CSMD3: variants seen among roughly 807,000 people sequenced by gnomAD.
The protein encoded by CSMD3 is CUB and Sushi multiple domains 3.
A neutral mutation model predicts 435.2 loss-of-function variants in CSMD3; 177 were observed. That is an observed-to-expected ratio of 0.41 (90% confidence interval 0.36 to 0.46). The LOEUF (loss-of-function observed/expected upper bound fraction) is 0.46. Among genes scored for constraint, CSMD3 ranks in the 20% least tolerant of loss-of-function variants. The pLI is 0.34. For synonymous variants in CSMD3, 1,656 were observed against 1,520.5 expected (o/e 1.09, Z -2.07); for missense variants, 4,265 against 4,504.6 (o/e 0.95, Z 1.52).
chr8:112,829,725 T>G lies in CSMD3; in HGVS notation c.1820A>C (p.Asp607Ala), dbSNP rs1289044090. ...EIGYDTLTIG[D>A]GGEVGDPRTV... ...CCTAGGATCTCCAACTTCGCCCCCA[T>G]CGCCAATTGTCAAGGTATCATAGCC... is the stretch of plus-strand genomic sequence containing the variant. Residue 607 changes from aspartate to alanine, a missense_variant, in exon 12 of 71, where the codon GAT becomes GCT. By Grantham distance (126) the Asp-to-Ala change is moderately radical. Coordinates refer to ENST00000297405, the MANE Select transcript of CSMD3 (RefSeq NM_198123.2). 3 of 1,613,260 alleles carry G rather than the reference T, an allele frequency of 1.9e-6. No individual in the cohort carries two copies. The highest frequency in any genetic ancestry group is 2.5e-6 in the Non-Finnish European group (3 of 1,179,482).
intron 22 of CSMD3, among the ~76,000 whole-genome samples, chr8:112,614,659 T>C (rs1833527089): frequency 6.6e-6 from 1 of 152,110 alleles, no homozygotes; most frequent in South Asian, 2.1e-4. Context: ...AATTTCTTTT[T>C]TTAGACTTAC....
intron 13 of CSMD3, among the ~76,000 whole-genome samples, chr8:112,714,278 A>G (rs763366589): frequency 6.6e-6 from 1 of 151,970 alleles, no homozygotes; most frequent in Non-Finnish European, 1.5e-5. Context: ...TTGCAATGTT[A>G]CTCTCTGACA....
chr8:113,421,081 G>A (rs1407266623), intron 1 of CSMD3, among the ~76,000 whole-genome samples: 4 of 151,372 alleles, frequency 2.6e-5, no homozygotes, highest in African/African-American at 9.7e-5. Context: ...AAAAAAACAC[G>A]AAGAATACAT....
At chr8:112,686,964 T>C (rs1478992468) in intron 14 of CSMD3, among the ~76,000 whole-genome samples, 1 of 152,148 alleles carries the variant, frequency 6.6e-6, no homozygotes, top group African/African-American at 2.4e-5. Flanking sequence ...ACTGTTCTTC[T>C]AGTGTTTGAC....
chr8:112,899,638 T>TATATATATAC (rs1309592432), intron 10 of CSMD3, among the ~76,000 whole-genome samples: 5 of 118,462 alleles, frequency 4.2e-5, no homozygotes, highest in African/African-American at 1.3e-4. Context: ...TATATGTATA[T>TATATATATAC]ACATATATGT....
chr8:113,278,753 G>T, intron 2 of CSMD3, 49 bp from the exon 3 acceptor site: 1 of 866,592 alleles, frequency 1.2e-6, no homozygotes, highest in Non-Finnish European at 2.0e-6. Context: ...TTTTATCTAA[G>T]AGTTTTTAAG....
chr8:113,408,570 T>A (rs2094543322), intron 1 of CSMD3, among the ~76,000 whole-genome samples: 2 of 151,914 alleles, frequency 1.3e-5, no homozygotes, highest in South Asian at 4.1e-4. Flanking sequence ...AAAATAAAGG[T>A]ATTGACTAAG....
At chr8:112,251,119 T>C (rs1279072362) in intron 63 of CSMD3, among the ~76,000 whole-genome samples, 1 of 151,824 alleles carries the variant, frequency 6.6e-6, no homozygotes, top group African/African-American at 2.4e-5. Context: ...ACTTCTAATA[T>C]CACATGTTTG....
intron 3 of CSMD3, among the ~76,000 whole-genome samples, chr8:113,209,407 C>T (rs891877589): frequency 2.0e-5 from 3 of 152,076 alleles, no homozygotes; most frequent in Non-Finnish European, 4.4e-5. Flanking sequence ...TTCAAGAATT[C>T]ATCTATTGTA....
At chr8:112,286,400 C>A (rs1370034910) in intron 58 of CSMD3, among the ~76,000 whole-genome samples, 2 of 151,984 alleles carry the variant, frequency 1.3e-5, no homozygotes, top group African/African-American at 4.8e-5. Flanking sequence ...AATATCATGT[C>A]GTCCCACATG....
At chr8:113,025,454 A>C (rs1390451592) in intron 5 of CSMD3, among the ~76,000 whole-genome samples, 1 of 152,152 alleles carries the variant, frequency 6.6e-6, no homozygotes, top group Non-Finnish European at 1.5e-5. Context: ...TGATAGTTTC[A>C]GACTACGCAT....
chr8:112,927,179 A>G (rs2082938468), intron 9 of CSMD3, among the ~76,000 whole-genome samples: 1 of 152,142 alleles, frequency 6.6e-6, no homozygotes, highest in South Asian at 2.1e-4. Flanking sequence ...AGAATATCTA[A>G]GGTTATTTTA....
In CSMD3 at chr8:112,976,046, G is replaced by C. The variant is rs1387478486; in HGVS notation, c.1133C>G (p.Thr378Ser). The C allele has an allele frequency of 1.2e-6, 2 of 1,614,040 alleles. No individual in the cohort carries two copies. Among genetic ancestry groups the C allele is most frequent in the Non-Finnish European group, 1.7e-6 (2 of 1,179,966 alleles). ...IAVASTPADV[T>S]VSSVTAVTIH... ...GGTGACAGCTGTAACACTGGATACA[G>C]TAACATCTGCAGGTGTGCTAGCAAC... The change falls in exon 7 of 71, where the codon ACT becomes AGT. Residue 378 changes from threonine (T) to serine (S), a missense_variant. Physicochemically the swap from Thr to Ser is moderately conservative, Grantham distance 58. Around this residue, in one of 3 missense-constraint regions of CSMD3, gnomAD observed 731 missense variants for 755.4 expected, o/e 0.97. Coordinates refer to ENST00000297405, the MANE Select transcript of CSMD3 (RefSeq NM_198123.2).
At chr8:112,465,649 T>C (rs925186215) in intron 32 of CSMD3, among the ~76,000 whole-genome samples, 1 of 152,110 alleles carries the variant, frequency 6.6e-6, no homozygotes, top group African/African-American at 2.4e-5. Flanking sequence ...ACATAGTAAT[T>C]TCTGCTAATT....
chr8:112,774,152 C>T (rs771922119), intron 13 of CSMD3, among the ~76,000 whole-genome samples: 7 of 151,946 alleles, frequency 4.6e-5, no homozygotes, highest in Admixed American at 6.6e-5. Context: ...TGGTACATGA[C>T]GACATGCCTA....
At chr8:113,404,133 A>T (rs1318700435) in intron 1 of CSMD3, among the ~76,000 whole-genome samples, 1 of 151,452 alleles carries the variant, frequency 6.6e-6, no homozygotes, top group Admixed American at 6.6e-5. Context: ...TGGGCTTAGA[A>T]AATTGATCTG....
chr8:113,044,336 G>A lies in CSMD3; in HGVS notation c.918-25157C>T, dbSNP rs559570768. On this transcript the variant is annotated intron_variant, in intron 5 of 70. Coordinates refer to ENST00000297405, the MANE Select transcript of CSMD3 (RefSeq NM_198123.2). Reference sequence around the variant, plus strand: ...TAATAGGAATTTACTTCCTCTAAAGGAATGTTACTGTCTTCAGTGTCTAGA... The same window carrying A: ...TAATAGGAATTTACTTCCTCTAAAGAAATGTTACTGTCTTCAGTGTCTAGA... Among the ~76,000 whole-genome samples the A allele has an allele frequency of 1.3e-4, 17 of 128,074 alleles. No individual in the cohort carries two copies. In the South Asian group the frequency reaches 4.0e-3, roughly 30 times the overall value. The allele number at this position is 128,074 out of a possible 152,430, so 84.0% of individuals were successfully genotyped here. A position where few individuals can be genotyped will look rare whatever the true frequency, so the allele number is the denominator to read the frequency against.
intron 13 of CSMD3, among the ~76,000 whole-genome samples, chr8:112,739,942 T>C (rs1011602904): frequency 2.0e-5 from 3 of 151,802 alleles, no homozygotes; most frequent in African/African-American, 7.2e-5. Context: ...TTACATATTA[T>C]AAGGAAATGT....
chr8:112,600,676 T>A (rs1462580389), intron 22 of CSMD3, among the ~76,000 whole-genome samples: 1 of 151,942 alleles, frequency 6.6e-6, no homozygotes, highest in Non-Finnish European at 1.5e-5. Context: ...ATCTCATGAT[T>A]TTTTTTTCTT....
Sources: gnomAD v4.1 joint callset for allele counts (sites outside exome capture counted in the v4.1 genomes callset) on GRCh38, gnomAD v4.1.1 for gene constraint, gnomAD v4.1.1 regional missense constraint, MANE v1.5 for transcripts, NCBI Gene and HGNC (gene_info 2026-07-23, HGNC 2026-07-21) for gene names.